AMELX: variants seen among roughly 807,000 people sequenced by gnomAD.
The protein encoded by AMELX is amelogenin X-linked, also known as amelogenin, X isoform.
AMELX carries 9 observed loss-of-function variants against 15.8 expected under a neutral mutation model. The observed-to-expected ratio is 0.57, with a 90% confidence interval of 0.34 to 0.99. The LOEUF is 0.99. Among genes scored for constraint, AMELX ranks in the 50% least tolerant of loss-of-function variants. The pLI, the probability that AMELX is intolerant of heterozygous loss-of-function variation, is 0.02. For synonymous variants in AMELX, 61 were observed against 58.8 expected, an observed-to-expected ratio of 1.04 and a Z score of -0.17; for missense variants, 107 against 156.2, an observed-to-expected ratio of 0.68 and a Z score of 1.68.
the AMELX span, among the ~76,000 whole-genome samples, chrX:11,305,888 G>T: frequency 0.043 from 4,775 of 111,780 alleles, 249 homozygotes; most frequent in African/African-American, 0.15. Context: ...ATAAAGCAGT[G>T]TATTGTAAGG....
downstream of AMELX, among the ~76,000 whole-genome samples, chrX:11,304,279 G>A (rs1027525357): frequency 1.2e-3 from 133 of 110,076 alleles, no homozygotes; most frequent in African/African-American, 3.9e-3. Context: ...TAGTAGAAAC[G>A]GGGTTTCACC....
chrX:11,304,776 ACTTTTT>A (rs1477675418), downstream of AMELX, among the ~76,000 whole-genome samples: 44 of 42,427 alleles, frequency 1.0e-3, no homozygotes, highest in African/African-American at 4.2e-3. Flanking sequence ...TCTTTCTTTT[ACTTTTT>A]TTTTTTTTTT....
downstream of AMELX, among the ~76,000 whole-genome samples, chrX:11,303,216 T>C (rs1236219644): frequency 2.7e-5 from 3 of 112,622 alleles, no homozygotes; most frequent in Admixed American, 9.4e-5. Flanking sequence ...TAGTTGGAGT[T>C]TTTACTTATT....
chrX:11,298,981 T>G lies in AMELX; in HGVS notation c.570+8T>G. 1 of 1,207,296 alleles carries G rather than the reference T, an allele frequency of 8.3e-7. No homozygotes were observed. The highest frequency in any genetic ancestry group is 2.3e-4 in the Middle Eastern group (1 of 4,344). On this transcript the variant is annotated splice_region_variant and intron_variant, in intron 5 of 5. Coordinates refer to ENST00000380714, the MANE Select transcript of AMELX (RefSeq NM_001142.2). ...ACCAAGCGGGAGGAAGTGGTGAGTA[T>G]ATTTTGAAGCCACTACAATGCAAAT... is the stretch of plus-strand genomic sequence containing the variant.
chrX:11,295,486 C>A (rs1292564426), intron 2 of AMELX, among the ~76,000 whole-genome samples: 2 of 111,468 alleles, frequency 1.8e-5, no homozygotes, highest in African/African-American at 6.5e-5. Flanking sequence ...ACATTAGACC[C>A]ACTCTGTCTG....
At chrX:11,301,637 A>AT (rs769107248), downstream of AMELX, among the ~76,000 whole-genome samples, 5 of 112,019 alleles carry the variant, frequency 4.5e-5, no homozygotes, top group East Asian at 1.1e-3. Flanking sequence ...TTTAGATTCA[A>AT]TTTTTTAAAG....
At chrX:11,297,190 C>G (rs181659103) in intron 3 of AMELX, among the ~76,000 whole-genome samples, 13 of 112,015 alleles carry the variant, frequency 1.2e-4, no homozygotes, top group African/African-American at 4.2e-4. Context: ...AAACTCTTTC[C>G]AGCTCAAAAA....
chrX:11,296,795 G>T lies in AMELX; in HGVS notation c.71G>T (p.Gly24Val), dbSNP rs776551701. 19 of 1,207,818 alleles carry T rather than the reference G, an allele frequency of 1.6e-5. No individual in the cohort carries two copies. Among genetic ancestry groups the T allele is most frequent in the East Asian group, 3.0e-5 (1 of 33,722 alleles). Residue 24 changes from glycine to valine, a missense_variant, in exon 3 of 6, where the codon GGG (glycine) becomes GTG (valine). Transcript: ENST00000380714. ...AFAMPLPPHP[G>V]HPGYINFSYE... ...CTGTAAAAGCTACCACCTCATCCTG[G>T]GCACCCTGGTTATATCAACTTCAGC... is the stretch of plus-strand genomic sequence containing the variant.
downstream of AMELX, among the ~76,000 whole-genome samples, chrX:11,304,654 C>A (rs2048214451): frequency 1.8e-5 from 2 of 109,907 alleles, no homozygotes; most frequent in Admixed American, 9.7e-5. Context: ...TTCCTTTTAC[C>A]TTCTTTCTAG....
Position 11,300,689 on chromosome X carries a change from A to G in AMELX, c.*77A>G. The G allele has an allele frequency of 2.0e-6, 2 of 1,009,510 alleles. No homozygotes were observed. The highest frequency in any genetic ancestry group is 3.1e-5 in the East Asian group (1 of 32,468). The allele number at this position is 1,009,510 out of a possible 1,213,427, so 83.2% of individuals were successfully genotyped here. A position where few individuals can be genotyped will look rare whatever the true frequency, so the allele number is the denominator to read the frequency against. ...CACAAGAACACAATGATTTTTGCTT[A>G]TAATCACTTTACTTAGCAAATTCTG... On this transcript the variant is annotated 3_prime_UTR_variant, in exon 6 of 6. Coordinates refer to ENST00000380714, the MANE Select transcript of AMELX (RefSeq NM_001142.2).
chrX:11,295,642 A>G (rs1181858088), intron 2 of AMELX, among the ~76,000 whole-genome samples: 2 of 110,662 alleles, frequency 1.8e-5, no homozygotes, highest in Non-Finnish European at 1.9e-5. Context: ...CTCACCCACA[A>G]AACCAAGATT....
chrX:11,305,858 C>T, the AMELX span, among the ~76,000 whole-genome samples: 4 of 111,792 alleles, frequency 3.6e-5, no homozygotes, highest in Admixed American at 9.5e-5. Context: ...CAGAATAAAA[C>T]CCCTACAGCC....
At chrX:11,303,260 A>C (rs2048193195), downstream of AMELX, among the ~76,000 whole-genome samples, 1 of 112,360 alleles carries the variant, frequency 8.9e-6, no homozygotes, top group East Asian at 2.8e-4. Context: ...TTTTGCCCCT[A>C]TTTGATCTGG....
chrX:11,294,665 C>T lies in AMELX; in HGVS notation c.-12-112C>T, dbSNP rs936688162. 14 of 804,046 alleles carry T rather than the reference C, an allele frequency of 1.7e-5. No homozygotes were observed. In the African/African-American group the frequency reaches 2.0e-4, roughly 12 times the overall value. 66.3% of individuals were successfully genotyped at this position (804,046 alleles called of 1,213,427 possible). A position where few individuals can be genotyped will look rare whatever the true frequency, so the allele number is the denominator to read the frequency against. On this transcript the variant is annotated intron_variant, in intron 1 of 5. Transcript: ENST00000380714. ...TGAAGTAAATTCACAAACAATGGCT[C>T]CATCCTTCTTACTAGCAATAGACTA...
chrX:11,298,367 T>C (rs1017437341), intron 4 of AMELX, 90 bp downstream of exon 4: 2 of 1,104,584 alleles, frequency 1.8e-6, no homozygotes, highest in Non-Finnish European at 1.2e-6. Flanking sequence ...CTACTCCACA[T>C]GCAGACATTA....
chrX:11,306,692 G>A, the AMELX span, among the ~76,000 whole-genome samples: 1 of 111,939 alleles, frequency 8.9e-6, no homozygotes, highest in Non-Finnish European at 1.9e-5. Context: ...TTCGTCATCC[G>A]CCTCTAGGAT....
At chrX:11,309,118 T>C in the AMELX span, among the ~76,000 whole-genome samples, 1 of 112,059 alleles carries the variant, frequency 8.9e-6, no homozygotes, top group East Asian at 2.8e-4. Context: ...TGTTCACCTT[T>C]TCCAGATGCT....
At chrX:11,298,179 C>T (rs1481254494) in intron 3 of AMELX, 57 bp from the exon 4 acceptor site, 1 of 1,207,851 alleles carries the variant, frequency 8.3e-7, no homozygotes, top group East Asian at 3.0e-5. Context: ...CAGTGAGTTT[C>T]TATATTGGAT....
chrX:11,299,429 G>A (rs777274203), intron 5 of AMELX, among the ~76,000 whole-genome samples: 104 of 111,755 alleles, frequency 9.3e-4, no homozygotes, highest in African/African-American at 3.2e-3. Context: ...AAAGGTAGAC[G>A]GGAAATCTCT....
Sources: allele counts gnomAD v4.1 joint callset (sites outside exome capture counted in the v4.1 genomes callset), GRCh38; gene constraint gnomAD v4.1.1; transcripts MANE v1.5; gene names NCBI Gene and HGNC (gene_info 2026-07-23, HGNC 2026-07-21).